The following CD99L2 variants were observed in gnomAD, a reference collection of about 807,000 sequenced individuals.
The protein encoded by CD99L2 is CD99 antigen-like protein 2.
Under a neutral mutation model 27.3 loss-of-function variants are expected in CD99L2, and 24 were observed. The observed-to-expected ratio is 0.88, with a 90% CI of 0.64 to 1.24. The LOEUF (loss-of-function observed/expected upper bound fraction) is 1.24, where lower values mean the gene tolerates loss of function less well. CD99L2 is among the 50% of genes most tolerant of loss of function. The probability of loss-of-function intolerance (pLI) is 0.00; values close to 1 mark genes in which losing one functional copy is unlikely to be tolerated. For missense variants in CD99L2, 255 were observed against 221.6 expected (o/e 1.15, Z -0.96); for synonymous variants, 97 against 87.9 (o/e 1.10, Z -0.58).
intron 1 of CD99L2, among the ~76,000 whole-genome samples, chrX:150,845,360 A>G (rs1395442830): frequency 8.9e-6 from 1 of 112,151 alleles, no homozygotes; most frequent in Non-Finnish European, 1.9e-5. Context: ...TAGTGGTGAT[A>G]GTTGCACAAC....
At chrX:150,774,834 G>C (rs781881200) in intron 9 of CD99L2, among the ~76,000 whole-genome samples, 1 of 111,918 alleles carries the variant, frequency 8.9e-6, no homozygotes, top group African/African-American at 3.2e-5. Context: ...CTTGATTTTT[G>C]ATTTGAGGGA....
chrX:150,842,278 C>T (rs1395916580), intron 1 of CD99L2, among the ~76,000 whole-genome samples: 1 of 112,320 alleles, frequency 8.9e-6, no homozygotes, highest in Admixed American at 9.4e-5. Flanking sequence ...CCCACAGACA[C>T]TCCAACAGCC....
intron 10 of CD99L2, among the ~76,000 whole-genome samples, chrX:150,769,949 G>C (rs2043408050): frequency 8.8e-6 from 1 of 113,251 alleles, no homozygotes. Flanking sequence ...AAAGGGAAAA[G>C]TTCTAGGTCT....
intron 7 of CD99L2, among the ~76,000 whole-genome samples, chrX:150,789,414 G>A (rs1038385983): frequency 8.9e-6 from 1 of 111,781 alleles, no homozygotes; most frequent in Non-Finnish European, 1.9e-5. Context: ...GAGCCACCAC[G>A]CCCGGCCTAT....
intron 7 of CD99L2, among the ~76,000 whole-genome samples, chrX:150,784,630 C>T (rs372033072): frequency 5.4e-4 from 61 of 112,348 alleles, no homozygotes; most frequent in African/African-American, 1.8e-3. Flanking sequence ...GCCATGATCC[C>T]ACCAGTAATG....
chrX:150,877,497 TA>T (rs1401463227), intron 1 of CD99L2, among the ~76,000 whole-genome samples: 2 of 111,333 alleles, frequency 1.8e-5, no homozygotes, highest in Non-Finnish European at 3.8e-5. Flanking sequence ...AATATGGTTA[TA>T]TACCTGGAAA....
In CD99L2 at chrX:150,795,493, G is replaced by A. The variant is rs782721417; in HGVS notation, c.278-7C>T. 4 of 1,209,602 alleles carry A rather than the reference G, an allele frequency of 3.3e-6. No homozygotes were observed. The highest frequency in any genetic ancestry group is 3.5e-5 in the African/African-American group (2 of 57,603). On this transcript the variant is annotated splice_region_variant and splice_polypyrimidine_tract_variant and intron_variant, in intron 4 of 10. Coordinates refer to ENST00000370377, the MANE Select transcript of CD99L2 (RefSeq NM_031462.4). ...GTTACATGGTTCCATCTCTCTAAAAGGGGAAGGGAGGACAGCAAAGGGAGC... is the reference window on the plus strand; with the variant it reads ...GTTACATGGTTCCATCTCTCTAAAAAGGGAAGGGAGGACAGCAAAGGGAGC...
intron 2 of CD99L2, among the ~76,000 whole-genome samples, chrX:150,823,987 A>AAAG (rs201970278): frequency 4.7e-4 from 50 of 106,446 alleles, no homozygotes; most frequent in African/African-American, 1.5e-3. Context: ...TGTAGAAAAA[A>AAAG]AAGAAGAAGA....
chrX:150,770,391 G>C (rs976410335), intron 9 of CD99L2, 22 bp from the exon 10 acceptor site: 3 of 1,190,872 alleles, frequency 2.5e-6, no homozygotes, highest in East Asian at 3.0e-5. Context: ...AAAGGGCAGA[G>C]TTAGTGATGC....
In CD99L2 at chrX:150,771,896, A is replaced by G; in HGVS notation, c.656-1527T>C. Reference sequence around the variant, plus strand: ...GACAGCAAACATGCGGGCTTTCCACACTGAGGGCAAAGGCAAGGGAAGCCA... The same window carrying G: ...GACAGCAAACATGCGGGCTTTCCACGCTGAGGGCAAAGGCAAGGGAAGCCA... On this transcript the variant is annotated intron_variant, in intron 9 of 10. Transcript: ENST00000370377. 3.7e-6 allele frequency: 4 copies of G among 1,082,848 alleles called. No homozygotes were observed. The Middle Eastern group carries it at 9.8e-4, about 264-fold the overall frequency. 89.2% of individuals were successfully genotyped at this position (1,082,848 alleles called of 1,213,427 possible).
intron 1 of CD99L2, among the ~76,000 whole-genome samples, chrX:150,890,951 G>A (rs1420687867): frequency 8.9e-6 from 1 of 112,861 alleles, no homozygotes. Flanking sequence ...AAATGCAAGC[G>A]CCAGAAATCC....
Position 150,769,685 on chromosome X carries a change from C to A in CD99L2, c.722-584G>T, listed in dbSNP as rs182605076. On this transcript the variant is annotated intron_variant, in intron 10 of 10. Coordinates refer to ENST00000370377, the MANE Select transcript of CD99L2 (RefSeq NM_031462.4). Reference sequence around the variant, plus strand: ...TGTCCTAGTCTCCCTGCCTGCGCCACCAGGCCTCGGCTGCTCCCCGACCCC... The same window carrying A: ...TGTCCTAGTCTCCCTGCCTGCGCCAACAGGCCTCGGCTGCTCCCCGACCCC... 9.9e-4 allele frequency among the ~76,000 whole-genome samples: 85 copies of A among 86,003 alleles called. 4 individuals carry two copies. In the East Asian group the frequency reaches 0.03, roughly 31 times the overall value. 74.7% of individuals were successfully genotyped at this position (86,003 alleles called of 115,157 possible).
intron 1 of CD99L2, among the ~76,000 whole-genome samples, chrX:150,869,832 C>T (rs1557422144): frequency 9.0e-6 from 1 of 111,022 alleles, no homozygotes; most frequent in Non-Finnish European, 1.9e-5. Flanking sequence ...TAAAAAAAAA[C>T]TCTTTCAAAC....
chrX:150,864,544 G>A (rs1297487929), intron 1 of CD99L2, among the ~76,000 whole-genome samples: 1 of 112,264 alleles, frequency 8.9e-6, no homozygotes, highest in Non-Finnish European at 1.9e-5. Context: ...GTGATATTCT[G>A]CTCCTGGGCA....
At chrX:150,836,812 T>C (rs782055481) in intron 1 of CD99L2, among the ~76,000 whole-genome samples, 2 of 111,916 alleles carry the variant, frequency 1.8e-5, no homozygotes, top group Non-Finnish European at 3.8e-5. Flanking sequence ...TACAAACCTG[T>C]ACAGCATGTG....
At chrX:150,784,904 C>T (rs1557419514) in intron 7 of CD99L2, among the ~76,000 whole-genome samples, 1 of 111,925 alleles carries the variant, frequency 8.9e-6, no homozygotes, top group African/African-American at 3.3e-5. Flanking sequence ...TCTAGGAGAG[C>T]CCAGGGGCAG....
chrX:150,858,137 T>C (rs2046921800), intron 1 of CD99L2, among the ~76,000 whole-genome samples: 1 of 112,417 alleles, frequency 8.9e-6, no homozygotes, highest in South Asian at 3.6e-4. Flanking sequence ...GATAAAGGGA[T>C]TAATTCAGCA....
At chrX:150,893,590 T>C (rs1386962397) in intron 1 of CD99L2, among the ~76,000 whole-genome samples, 5 of 108,800 alleles carry the variant, frequency 4.6e-5, no homozygotes, top group African/African-American at 6.7e-5. Context: ...CTCACACTTA[T>C]TCTGCTTGGA....
intron 2 of CD99L2, chrX:150,818,925 A>G (rs2046205675): frequency 2.7e-6 from 1 of 370,576 alleles, no homozygotes; most frequent in Admixed American, 2.6e-5. Context: ...GAATTATTCC[A>G]GGGTTTATGT....
Sources: gnomAD v4.1 joint callset for allele counts (sites outside exome capture counted in the v4.1 genomes callset) on GRCh38, gnomAD v4.1.1 for gene constraint, MANE v1.5 for transcripts, NCBI Gene and HGNC (gene_info 2026-07-23, HGNC 2026-07-21) for gene names.